HOXB3: variants seen among roughly 807,000 people sequenced by gnomAD.
The protein encoded by HOXB3 is homeobox B3.
HOXB3 carries 17 observed loss-of-function variants against 29.2 expected under a neutral mutation model. The ratio of observed to expected loss-of-function variants is 0.58; its 90% CI spans 0.40 to 0.87. The LOEUF (loss-of-function observed/expected upper bound fraction) is 0.87, where lower values mean the gene tolerates loss of function less well. Ranked by LOEUF, HOXB3 falls within the 40% of genes least tolerant of loss-of-function variation. The probability of loss-of-function intolerance (pLI) is 0.00; values close to 1 mark genes in which losing one functional copy is unlikely to be tolerated. For missense variants in HOXB3, 637 were observed against 616.3 expected, an observed-to-expected ratio of 1.03 and a Z score of -0.35; for synonymous variants, 317 against 285.9, an observed-to-expected ratio of 1.11 and a Z score of -1.10.
chr17:48,579,938 C>T (rs763353493), intron 1 of HOXB3: 1 of 515,648 alleles, frequency 1.9e-6, no homozygotes, highest in South Asian at 1.5e-5. Flanking sequence ...ATACAGAAGA[C>T]AGACAGATCT....
chr17:48,580,192 G>A, intron 1 of HOXB3: 1 of 284,910 alleles, frequency 3.5e-6, no homozygotes, highest in Non-Finnish European at 6.6e-6. Context: ...ACTCTCGGTG[G>A]CGCATGAATT....
chr17:48,583,738 C>A (rs115478187), intron 1 of HOXB3, among the ~76,000 whole-genome samples: 1 of 152,328 alleles, frequency 6.6e-6, no homozygotes, highest in East Asian at 1.9e-4. Flanking sequence ...GAGATGGATT[C>A]TTCAGTTCAG....
intron 1 of HOXB3, among the ~76,000 whole-genome samples, chr17:48,586,886 G>A (rs909873677): frequency 6.6e-6 from 1 of 152,170 alleles, no homozygotes; most frequent in Non-Finnish European, 1.5e-5. Context: ...GAAGGTGAGG[G>A]GGGAGGTTAA....
Position 48,550,500 on chromosome 17 carries a change from G to A in HOXB3, c.1130C>T (p.Ser377Phe). 1 of 1,602,518 alleles carries A rather than the reference G, an allele frequency of 6.2e-7. No individual in the cohort carries two copies. Among genetic ancestry groups the A allele is most frequent in the Non-Finnish European group, 8.5e-7 (1 of 1,177,136 alleles). Residue 377 changes from serine to phenylalanine, a missense_variant, in exon 5 of 5, where the codon TCC (serine) becomes TTC (phenylalanine). Ser to Phe is a radical substitution (Grantham distance 155, BLOSUM62 -2). Coordinates refer to ENST00000498678, the MANE Select transcript of HOXB3 (RefSeq NM_001384749.1). ...GTCCAGGTTCCCGGAAGGGTGATGGGAAAGGTGGTTGAGGCCATAGAGGGA... is the reference window on the plus strand; with the variant it reads ...GTCCAGGTTCCCGGAAGGGTGATGGAAAAGGTGGTTGAGGCCATAGAGGGA... ...GPSLYGLNHL[S>F]HHPSGNLDYN... is the part of the protein sequence containing the mutation.
chr17:48,578,212 C>T (rs1208083997), intron 1 of HOXB3: 16 of 1,613,714 alleles, frequency 9.9e-6, no homozygotes, highest in African/African-American at 1.3e-5. Context: ...CGGCGTAGTA[C>T]CCGGGCGAGT....
In HOXB3 at chr17:48,554,304, C is replaced by G; in HGVS notation, c.-159+1227G>C. On this transcript the variant is annotated intron_variant, in intron 3 of 4. Transcript: ENST00000498678. This position sits in a 1 kb window ranked among gnomAD's most constrained non-coding sequence, Gnocchi z 4.1. ...AGGGGGTTGGCTGGCTAGGCCCTGG[C>G]TTTATTTAGTCTGATTGTTACAGCA... 1 of 274,110 alleles carries G rather than the reference C, an allele frequency of 3.6e-6. No homozygotes were observed. The highest frequency in any genetic ancestry group is 6.9e-6 in the Non-Finnish European group (1 of 143,914). The allele number at this position is 274,110 out of a possible 1,614,324, so 17.0% of individuals were successfully genotyped here.
intron 2 of HOXB3, among the ~76,000 whole-genome samples, chr17:48,572,147 A>G (rs1327325409): frequency 6.6e-6 from 1 of 152,106 alleles, no homozygotes; most frequent in African/African-American, 2.4e-5. Context: ...CTATTTCTTA[A>G]AAGTTTCTGG....
chr17:48,550,736 G>A lies in HOXB3; in HGVS notation c.894C>T (p.His298=). ...SPSPPAFGKA[H]QNAYALPSNY... ...TGGAGGGCAGCGCGTAGGCATTCTG[G>A]TGGGCTTTACCGAAGGCGGGTGGGG... The change falls in exon 5 of 5, where the codon CAC becomes CAT. Residue 298 remains histidine (H), a synonymous_variant. Transcript: ENST00000498678. The A allele has an allele frequency of 6.3e-7, 1 of 1,580,790 alleles. No individual in the cohort carries two copies. The highest frequency in any genetic ancestry group is 8.6e-7 in the Non-Finnish European group (1 of 1,161,126).
At chr17:48,553,112 G>A (rs1250760696) in intron 3 of HOXB3, 2 of 152,292 alleles carry the variant, frequency 1.3e-5, no homozygotes, top group Non-Finnish European at 2.9e-5. Flanking sequence ...AAAACCAAAG[G>A]ATCTCCTAAA....
At chr17:48,564,424 ACCCCGC>A (rs999466619) in intron 2 of HOXB3, among the ~76,000 whole-genome samples, 3 of 108,094 alleles carry the variant, frequency 2.8e-5, no homozygotes, top group African/African-American at 6.7e-5. Flanking sequence ...GCTCGCCCCC[ACCCCGC>A]CCCCGCCCCC....
In HOXB3 at chr17:48,550,419, TGG is replaced by T; in HGVS notation, c.1209_1210del (p.His404ProfsTer17). The T allele has an allele frequency of 6.2e-7, 1 of 1,613,168 alleles. No individual in the cohort carries two copies. Reference sequence around the variant, plus strand: ...AGAGGAGAGGTCTGTGTAGGTGGGGTGGGGTTCGCAGGGTCCGTGGTGCTGGC... The same window carrying T: ...AGAGGAGAGGTCTGTGTAGGTGGGGTGGTTCGCAGGGTCCGTGGTGCTGGC... On this transcript the variant is annotated frameshift_variant, in exon 5 of 5. Transcript: ENST00000498678. LOFTEE classifies it high-confidence loss of function.
rs752394950 is a variant in HOXB3, at chr17:48,551,144, G to GCCGCCGCCGCCA, written c.474_485dup (p.Gly161_Gly164dup). The GCCGCCGCCGCCA allele has an allele frequency of 3.4e-5, 44 of 1,288,286 alleles. No homozygotes were observed. Among genetic ancestry groups the GCCGCCGCCGCCA allele is most frequent in the African/African-American group, 2.2e-4 (14 of 63,898 alleles). The allele number at this position is 1,288,286 out of a possible 1,614,324, so 79.8% of individuals were successfully genotyped here. ...CGCCCCCGCTGCCACCACTGCCTCC[G>GCCGCCGCCGCCA]CCGCCGCCGCCACCGCCGCCGCCAC... On this transcript the variant is annotated inframe_insertion, in exon 5 of 5. Transcript: ENST00000498678.
Position 48,552,430 on chromosome 17 carries a change from G to C in HOXB3, c.45C>G (p.Phe15Leu), listed in dbSNP as rs747160834. The change falls in exon 4 of 5, where the codon TTC becomes TTG. Residue 15 changes from phenylalanine to leucine, a missense_variant. By Grantham distance (22) the Phe-to-Leu change is conservative. Transcript: ENST00000498678. ...TGCCAGGGTACGAGGAATAGCCTCCGAAGAGAGCAGCCGCGGCGTTGTCGT... is the reference window on the plus strand; with the variant it reads ...TGCCAGGGTACGAGGAATAGCCTCCCAAGAGAGCAGCCGCGGCGTTGTCGT... ...TYYDNAAAAL[F>L]GGYSSYPGSN... The C allele has an allele frequency of 6.9e-6, 11 of 1,602,144 alleles. No homozygotes were observed. Among genetic ancestry groups the C allele is most frequent in the African/African-American group, 1.3e-5 (1 of 74,754 alleles).
intron 3 of HOXB3, chr17:48,555,246 G>A (rs1458356269): frequency 1.9e-6 from 1 of 519,382 alleles, no homozygotes; most frequent in Non-Finnish European, 3.4e-6. Flanking sequence ...CAGCCGCGGA[G>A]AAAATTCAGC....
intron 1 of HOXB3, chr17:48,574,350 G>T (rs537058288): frequency 6.3e-6 from 1 of 158,126 alleles, no homozygotes; most frequent in South Asian, 1.8e-4. Context: ...GGTCCACGAT[G>T]ATTTTTTTAC....
chr17:48,587,237 A>G (rs951610352), intron 1 of HOXB3, among the ~76,000 whole-genome samples: 5 of 152,122 alleles, frequency 3.3e-5, no homozygotes, highest in African/African-American at 1.2e-4. Flanking sequence ...TCCCCTCCCC[A>G]AACAGCTCCG....
chr17:48,586,421 C>G (rs577036704), intron 1 of HOXB3, among the ~76,000 whole-genome samples: 3 of 152,202 alleles, frequency 2.0e-5, no homozygotes, highest in East Asian at 1.9e-4. Flanking sequence ...GGCGTGCCCC[C>G]ACCCCCGGTC....
At chr17:48,585,115 C>G (rs1284590602) in intron 1 of HOXB3, among the ~76,000 whole-genome samples, 1 of 152,138 alleles carries the variant, frequency 6.6e-6, no homozygotes, top group Non-Finnish European at 1.5e-5. Flanking sequence ...TCGCCAATGT[C>G]CCTACTACCC....
intron 2 of HOXB3, among the ~76,000 whole-genome samples, chr17:48,565,480 G>T (rs2069360378): frequency 6.6e-6 from 1 of 152,142 alleles, no homozygotes; most frequent in Non-Finnish European, 1.5e-5. Context: ...TTCTGTGTTG[G>T]GTCTCTCTGT....
Sources: gnomAD v4.1 joint callset for allele counts (sites outside exome capture counted in the v4.1 genomes callset) on GRCh38, gnomAD v4.1.1 for gene constraint, Gnocchi (gnomAD v3.1) non-coding constraint, MANE v1.5 for transcripts, NCBI Gene and HGNC (gene_info 2026-07-23, HGNC 2026-07-21) for gene names.